Variants in ANKRD12 observed in about 807,000 individuals in gnomAD.
The protein encoded by ANKRD12 is ankyrin repeat domain 12.
In ANKRD12, 85 loss-of-function variants were observed where a neutral mutation model predicts 183.4. The observed-to-expected ratio is 0.46, with a 90% CI of 0.39 to 0.56. ANKRD12 has a LOEUF of 0.56. ANKRD12 is among the 20% of genes least tolerant of loss of function. The probability of loss-of-function intolerance (pLI) is 0.00; values close to 1 mark genes in which losing one functional copy is unlikely to be tolerated. For missense variants in ANKRD12, 2,405 were observed against 2,357.1 expected, an observed-to-expected ratio of 1.02 and a Z score of -0.42; for synonymous variants, 914 against 800.2, an observed-to-expected ratio of 1.14 and a Z score of -2.40.
rs2040168291 is a variant in ANKRD12 at position 9,283,522 on chromosome 18, G to A, written c.*2396G>A. 6.6e-6 allele frequency: 1 copy of A among 152,430 alleles called. No homozygotes were observed. Among genetic ancestry groups the A allele is most frequent in the African/African-American group, 2.4e-5 (1 of 41,440 alleles). 9.4% of individuals were successfully genotyped at this position (152,430 alleles called of 1,614,324 possible). On this transcript the variant is annotated 3_prime_UTR_variant, in exon 13 of 13. Coordinates refer to ENST00000262126, the MANE Select transcript of ANKRD12 (RefSeq NM_015208.5). ...CTTTTGGTATTAAAGATATTCTGAA[G>A]CTCTGAAATGCTAGAAAAAAATTTG...
intron 1 of ANKRD12, among the ~76,000 whole-genome samples, chr18:9,140,910 T>G (rs1342915319): frequency 1.3e-5 from 2 of 152,216 alleles, no homozygotes; most frequent in African/African-American, 4.8e-5. Flanking sequence ...CAGGTAATTT[T>G]CATAATAACC....
At chr18:9,195,775 T>A (rs1237651594) in intron 3 of ANKRD12, 77 bp downstream of exon 3, 1 of 1,286,170 alleles carries the variant, frequency 7.8e-7, no homozygotes, top group Non-Finnish European at 1.1e-6. Flanking sequence ...ACACCACTCC[T>A]CTTGACACCC....
intron 8 of ANKRD12, among the ~76,000 whole-genome samples, chr18:9,228,507 G>A (rs1354090243): frequency 6.6e-6 from 1 of 152,114 alleles, no homozygotes; most frequent in Non-Finnish European, 1.5e-5. Context: ...TGTGATAATA[G>A]CCATTCTAAC....
rs1487849710 is a variant in ANKRD12, at chr18:9,254,296, A to G, written c.1029A>G (p.Glu343=). ...SETEKDSLIC[E]SKQILPSKTP... Reference sequence around the variant, plus strand: ...CAGAGAAAGACTCTCTCATCTGTGAAAGTAAACAGATACTTCCCAGTAAAA... The same window carrying G: ...CAGAGAAAGACTCTCTCATCTGTGAGAGTAAACAGATACTTCCCAGTAAAA... Residue 343 remains glutamate, a synonymous_variant, in exon 9 of 13, where the codon GAA becomes GAG. Coordinates refer to ENST00000262126, the MANE Select transcript of ANKRD12 (RefSeq NM_015208.5). 6.2e-7 allele frequency: 1 copy of G among 1,612,656 alleles called. No individual in the cohort carries two copies. Among genetic ancestry groups the G allele is most frequent in the Non-Finnish European group, 8.5e-7 (1 of 1,179,372 alleles).
intron 8 of ANKRD12, among the ~76,000 whole-genome samples, chr18:9,227,593 A>T (rs2036795677): frequency 6.6e-6 from 1 of 152,238 alleles, no homozygotes; most frequent in African/African-American, 2.4e-5. Flanking sequence ...GGACAATGTG[A>T]GCTTCAAGAA....
intron 6 of ANKRD12, among the ~76,000 whole-genome samples, chr18:9,216,524 G>T (rs1440800214): frequency 6.6e-6 from 1 of 152,124 alleles, no homozygotes; most frequent in Non-Finnish European, 1.5e-5. Flanking sequence ...ACTGCATGGG[G>T]GTTAACACCC....
At chr18:9,195,842 G>T in intron 3 of ANKRD12, 144 bp downstream of exon 3, 2 of 772,912 alleles carry the variant, frequency 2.6e-6, no homozygotes, top group East Asian at 6.4e-5. Flanking sequence ...TTTGGGGTAG[G>T]AATTCCATCT....
At chr18:9,241,061 A>G (rs2037631874) in intron 8 of ANKRD12, among the ~76,000 whole-genome samples, 1 of 152,172 alleles carries the variant, frequency 6.6e-6, no homozygotes, top group African/African-American at 2.4e-5. Context: ...TTAAGTCAAA[A>G]TGTACCAGAA....
intron 8 of ANKRD12, among the ~76,000 whole-genome samples, chr18:9,233,513 C>A (rs1221985669): frequency 6.6e-6 from 1 of 152,040 alleles, no homozygotes; most frequent in Non-Finnish European, 1.5e-5. Flanking sequence ...TACATTCATA[C>A]CTGTGTATCT....
At chr18:9,185,759 G>A (rs1243993557) in intron 2 of ANKRD12, among the ~76,000 whole-genome samples, 1 of 152,118 alleles carries the variant, frequency 6.6e-6, no homozygotes, top group African/African-American at 2.4e-5. Flanking sequence ...GACAGAGAGA[G>A]AACCAAGGGA....
intron 3 of ANKRD12, among the ~76,000 whole-genome samples, chr18:9,196,621 A>C (rs2034840895): frequency 6.6e-6 from 1 of 152,222 alleles, no homozygotes; most frequent in Non-Finnish European, 1.5e-5. Flanking sequence ...AAGATTTTTG[A>C]AACATTCTAT....
chr18:9,173,067 ATTT>A (rs35322750), intron 1 of ANKRD12, among the ~76,000 whole-genome samples: 3 of 122,198 alleles, frequency 2.5e-5, no homozygotes. Flanking sequence ...GAGGTTGCTG[ATTT>A]TTTTTTTTTT....
In ANKRD12 at chr18:9,160,292, A is replaced by AT. The variant is rs202119616; in HGVS notation, c.-51-22083dup. Among the ~76,000 whole-genome samples the AT allele has an allele frequency of 2.0e-5, 3 of 151,944 alleles. No homozygotes were observed. In the East Asian group the frequency reaches 5.9e-4, roughly 30 times the overall value. On this transcript the variant is annotated intron_variant, in intron 1 of 12. Coordinates refer to ENST00000262126, the MANE Select transcript of ANKRD12 (RefSeq NM_015208.5). ...GAGGCACCTGGCTAATTAAAAAACA[A>AT]TTTTTTTAGAGATGGGTTCTCACCA...
At chr18:9,266,751 A>G (rs922951713) in intron 10 of ANKRD12, among the ~76,000 whole-genome samples, 5 of 152,068 alleles carry the variant, frequency 3.3e-5, no homozygotes, top group African/African-American at 1.2e-4. Context: ...GACAGGATCA[A>G]ATTCACACAT....
At chr18:9,191,031 A>G (rs1198197742) in intron 2 of ANKRD12, among the ~76,000 whole-genome samples, 1 of 151,986 alleles carries the variant, frequency 6.6e-6, no homozygotes, top group Non-Finnish European at 1.5e-5. Flanking sequence ...TTCTTTTACC[A>G]TTTTTTCTAT....
At chr18:9,279,400 A>G in intron 11 of ANKRD12, 149 bp from the exon 12 acceptor site, 1 of 534,730 alleles carries the variant, frequency 1.9e-6, no homozygotes, top group South Asian at 2.6e-5. Context: ...TAAAAGTTTT[A>G]CCAACTTCAG....
intron 8 of ANKRD12, among the ~76,000 whole-genome samples, chr18:9,229,296 A>G (rs1356561731): frequency 2.0e-5 from 3 of 152,042 alleles, no homozygotes; most frequent in African/African-American, 4.8e-5. Flanking sequence ...GTTTCCATAC[A>G]TGTTTATGGA....
chr18:9,137,650 G>C (rs1361369782), intron 1 of ANKRD12: 1 of 152,180 alleles, frequency 6.6e-6, no homozygotes, highest in Non-Finnish European at 1.5e-5. Context: ...CTTTAGTAGT[G>C]TCCGGGGAAA....
At chr18:9,267,194 G>T (rs915806848) in intron 10 of ANKRD12, among the ~76,000 whole-genome samples, 5 of 152,140 alleles carry the variant, frequency 3.3e-5, no homozygotes, top group Non-Finnish European at 5.9e-5. Context: ...ACACCCCACT[G>T]TCAACATTAG....
Sources: allele counts gnomAD v4.1 joint callset (sites outside exome capture counted in the v4.1 genomes callset), GRCh38; gene constraint gnomAD v4.1.1; transcripts MANE v1.5; gene names NCBI Gene and HGNC (gene_info 2026-07-23, HGNC 2026-07-21).